Variants in SIK3 observed in about 807,000 individuals in gnomAD.
The protein encoded by SIK3 is serine/threonine-protein kinase SIK3.
A neutral mutation model predicts 144.2 loss-of-function variants in SIK3; 28 were observed. That is an observed-to-expected ratio of 0.19 (90% CI 0.14 to 0.27). The LOEUF is 0.27. SIK3 is among the 10% of genes least tolerant of loss of function. The pLI is 1.00. For missense variants in SIK3, 1,319 were observed against 1,776.0 expected (o/e 0.74, Z 4.62); for synonymous variants, 686 against 676.3 (o/e 1.01, Z -0.22).
intron 3 of SIK3, among the ~76,000 whole-genome samples, chr11:116,938,882 G>A (rs1368426659): frequency 6.6e-6 from 1 of 152,168 alleles, no homozygotes; most frequent in Non-Finnish European, 1.5e-5. Flanking sequence ...ATGGACTGAA[G>A]CACATAAAAT....
chr11:116,864,228 C>T (rs751660249), intron 15 of SIK3: 37 of 155,998 alleles, frequency 2.4e-4, no homozygotes, highest in Non-Finnish European at 4.4e-4. Context: ...CAAAGTTTTC[C>T]CTGAGCAATG....
chr11:116,938,613 G>GAAAAGA (rs1948108638), intron 3 of SIK3, among the ~76,000 whole-genome samples: 1 of 69,004 alleles, frequency 1.4e-5, no homozygotes, highest in African/African-American at 8.6e-5. Flanking sequence ...GAGGAGAGGA[G>GAAAAGA]AGGGGAGGGG....
chr11:116,995,206 G>A (rs1950622583), intron 1 of SIK3, among the ~76,000 whole-genome samples: 1 of 148,824 alleles, frequency 6.7e-6, no homozygotes, highest in Non-Finnish European at 1.5e-5. Context: ...GGTGGAGGTT[G>A]CAGTGAGCCA....
chr11:116,952,381 A>G (rs984534938), intron 3 of SIK3, among the ~76,000 whole-genome samples: 1 of 152,240 alleles, frequency 6.6e-6, no homozygotes, highest in Non-Finnish European at 1.5e-5. Flanking sequence ...CAGCCAGGGC[A>G]GCAGAGCAAT....
chr11:116,991,038 T>C (rs973805991), intron 1 of SIK3, among the ~76,000 whole-genome samples: 1 of 152,272 alleles, frequency 6.6e-6, no homozygotes, highest in Non-Finnish European at 1.5e-5. Context: ...GGCATTATTA[T>C]GCTTGTTTTA....
intron 22 of SIK3, 26 bp from the exon 23 acceptor site, chr11:116,847,634 A>T: frequency 6.2e-7 from 1 of 1,613,576 alleles, no homozygotes; most frequent in Non-Finnish European, 8.5e-7. Context: ...AAGAGAAGAA[A>T]TAAGCACACA....
At chr11:117,013,084 A>G (rs1951333986) in intron 1 of SIK3, among the ~76,000 whole-genome samples, 1 of 152,112 alleles carries the variant, frequency 6.6e-6, no homozygotes, top group South Asian at 2.1e-4. Flanking sequence ...TTATTAGAAT[A>G]GTAGGTACCC....
At position 116,904,897 on chromosome 11, in the gene SIK3, C is replaced by T. The variant is rs372340805; in HGVS notation, c.617-7580G>A. 1.7e-4 allele frequency: 29 copies of T among 167,130 alleles called. 3 individuals carry two copies. Among genetic ancestry groups the T allele is most frequent in the Admixed American group, 1.3e-3 (20 of 15,310 alleles). 10.4% of individuals were successfully genotyped at this position (167,130 alleles called of 1,614,324 possible). A position where few individuals can be genotyped will look rare whatever the true frequency, so the allele number is the denominator to read the frequency against. ...CTGGCCATAACATATTTCTTGTATT[C>T]CATATCCCATACAATTCACGCATTG... On this transcript the variant is annotated intron_variant, in intron 4 of 24. Coordinates refer to ENST00000445177, the MANE Select transcript of SIK3 (RefSeq NM_001366686.3).
chr11:116,981,246 C>A (rs150681607), intron 1 of SIK3, among the ~76,000 whole-genome samples: 1 of 152,208 alleles, frequency 6.6e-6, no homozygotes, highest in Non-Finnish European at 1.5e-5. Flanking sequence ...ACTGAAGGAT[C>A]CACTTGCAGG....
chr11:117,098,161 G>T lies in SIK3; in HGVS notation c.255C>A (p.His85Gln). The T allele has an allele frequency of 6.6e-7, 1 of 1,513,228 alleles. No individual in the cohort carries two copies. The allele number at this position is 1,513,228 out of a possible 1,614,324, so 93.7% of individuals were successfully genotyped here. ...CCGGTACCTTGGCCTTGGTGACGAGGTGCGTGGCCCGCTTGACCACCGCGA... is the reference window on the plus strand; with the variant it reads ...CCGGTACCTTGGCCTTGGTGACGAGTTGCGTGGCCCGCTTGACCACCGCGA... The part of the protein sequence containing the change: ...GNFAVVKRAT[H>Q]LVTKAKVAIK... Residue 85 changes from histidine to glutamine, a missense_variant, in exon 1 of 25, where the codon CAC becomes CAA. Physicochemically the swap from His to Gln is conservative, Grantham distance 24. Coordinates refer to ENST00000445177, the MANE Select transcript of SIK3 (RefSeq NM_001366686.3).
intron 1 of SIK3, among the ~76,000 whole-genome samples, chr11:116,973,077 T>C (rs1949820460): frequency 6.6e-6 from 1 of 152,118 alleles, no homozygotes; most frequent in African/African-American, 2.4e-5. Flanking sequence ...AGTAACTACT[T>C]TCCCAGTTAA....
intron 4 of SIK3, among the ~76,000 whole-genome samples, chr11:116,909,213 T>C (rs1408509724): frequency 6.6e-6 from 1 of 151,994 alleles, no homozygotes; most frequent in African/African-American, 2.4e-5. Flanking sequence ...AGCAAAACTA[T>C]ATTGTTTAAG....
At chr11:117,096,932 G>A (rs1955501234) in intron 1 of SIK3, among the ~76,000 whole-genome samples, 1 of 152,124 alleles carries the variant, frequency 6.6e-6, no homozygotes, top group Non-Finnish European at 1.5e-5. Context: ...CAGCTGTAAG[G>A]GTTCTTCATT....
Position 116,957,070 on chromosome 11 carries a change from A to G in SIK3, c.274-6T>C. 6.4e-7 allele frequency: 1 copy of G among 1,551,378 alleles called. No homozygotes were observed. The highest frequency in any genetic ancestry group is 8.7e-7 in the Non-Finnish European group (1 of 1,144,734). ...TCTATGATCTTGATAGCAACCTGAC[A>G]ACAGAGGGAAAAAAATTACTCTGAT... On this transcript the variant is annotated splice_polypyrimidine_tract_variant and splice_region_variant and intron_variant, in intron 1 of 24. Transcript: ENST00000445177.
rs576791384 is a variant in SIK3 at position 116,979,095 on chromosome 11, C to A, written c.274-22031G>T. Among the ~76,000 whole-genome samples, 6 of 152,240 alleles carry A rather than the reference C, an allele frequency of 3.9e-5. No individual in the cohort carries two copies. The East Asian group carries it at 9.6e-4, about 24-fold the overall frequency. On this transcript the variant is annotated intron_variant, in intron 1 of 24. Transcript: ENST00000445177. ...TCACTAGGTAAAGCCAAATTGTTTT[C>A]AAAAATGAAGGTACCTAACAGTATG...
At chr11:116,874,560 C>T (rs369057703) in intron 11 of SIK3, among the ~76,000 whole-genome samples, 1 of 152,236 alleles carries the variant, frequency 6.6e-6, no homozygotes, top group African/African-American at 2.4e-5. Context: ...ACTAACAGAG[C>T]GACTCAGGGC....
chr11:117,046,492 G>A (rs191299573), intron 1 of SIK3, among the ~76,000 whole-genome samples: 1 of 152,160 alleles, frequency 6.6e-6, no homozygotes, highest in Non-Finnish European at 1.5e-5. Context: ...TTTAATCACT[G>A]CAAAGGTTAT....
intron 3 of SIK3, 113 bp from the exon 4 acceptor site, chr11:116,927,493 TGAGCAATGAG>T: frequency 1.1e-6 from 1 of 908,934 alleles, no homozygotes; most frequent in Non-Finnish European, 1.7e-6. Context: ...AGAGGCAAAA[TGAGCAATGAG>T]AGAACAACAC....
intron 11 of SIK3, 56 bp downstream of exon 11, chr11:116,875,102 G>A: frequency 2.9e-6 from 4 of 1,392,560 alleles, no homozygotes; most frequent in Non-Finnish European, 4.1e-6. Flanking sequence ...GACACTGAAA[G>A]TCAGGTGACA....
Sources: allele counts gnomAD v4.1 joint callset (sites outside exome capture counted in the v4.1 genomes callset), GRCh38; gene constraint gnomAD v4.1.1; transcripts MANE v1.5; gene names NCBI Gene and HGNC (gene_info 2026-07-23, HGNC 2026-07-21).